The following NRG1 variants were observed in gnomAD, a reference collection of about 807,000 sequenced individuals.
The protein encoded by NRG1 is neuregulin 1, also known as pro-neuregulin-1, membrane-bound isoform.
A neutral mutation model predicts 63.8 loss-of-function variants in NRG1; 18 were observed. That is an observed-to-expected ratio of 0.28 (90% CI 0.19 to 0.42). The LOEUF is 0.42. Ranked by LOEUF, NRG1 falls within the 10% of genes least tolerant of loss-of-function variation. The pLI, the probability that NRG1 is intolerant of heterozygous loss-of-function variation, is 1.00. For missense variants in NRG1, 762 were observed against 814.7 expected (o/e 0.94, Z 0.79); for synonymous variants, 302 against 301.3 (o/e 1.00, Z -0.02).
chr8:31,964,618 C>T (rs1364046778), intron 1 of NRG1, among the ~76,000 whole-genome samples: 2 of 152,080 alleles, frequency 1.3e-5, no homozygotes, highest in South Asian at 2.1e-4. Context: ...TGAGCCATGA[C>T]AGCACCACTG....
intron 1 of NRG1, among the ~76,000 whole-genome samples, chr8:32,019,672 A>G (rs2130181750): frequency 6.6e-6 from 1 of 152,294 alleles, no homozygotes; most frequent in East Asian, 1.9e-4. Context: ...TTCTGTGTTT[A>G]GATCTGTATC....
intron 1 of NRG1, among the ~76,000 whole-genome samples, chr8:31,856,380 T>C (rs1356785078): frequency 3.3e-5 from 5 of 152,254 alleles, no homozygotes; most frequent in Non-Finnish European, 7.3e-5. Context: ...CCATCGCTGA[T>C]ACCCTTTCTT....
chr8:31,772,743 G>A (rs1285659840), intron 1 of NRG1, among the ~76,000 whole-genome samples: 1 of 152,126 alleles, frequency 6.6e-6, no homozygotes, highest in Non-Finnish European at 1.5e-5. Flanking sequence ...AAAAGGCTCT[G>A]AAGCAGACTG....
At chr8:32,290,047 C>T (rs1854001527) in intron 1 of NRG1, among the ~76,000 whole-genome samples, 1 of 152,004 alleles carries the variant, frequency 6.6e-6, no homozygotes, top group African/African-American at 2.4e-5. Context: ...TTGAGCCCAG[C>T]CTGAGCAACA....
At chr8:32,357,348 G>C (rs1806575875) in intron 1 of NRG1, among the ~76,000 whole-genome samples, 1 of 152,194 alleles carries the variant, frequency 6.6e-6, no homozygotes, top group Non-Finnish European at 1.5e-5. Context: ...AAATCATGGA[G>C]GACAGCAGTG....
intron 1 of NRG1, among the ~76,000 whole-genome samples, chr8:31,922,506 T>C (rs936127925): frequency 1.3e-5 from 2 of 152,120 alleles, no homozygotes; most frequent in African/African-American, 4.8e-5. Context: ...TATGGAAAAA[T>C]ATAATGCCAT....
intron 1 of NRG1, among the ~76,000 whole-genome samples, chr8:32,114,374 G>A (rs1168251320): frequency 6.6e-6 from 1 of 152,178 alleles, no homozygotes; most frequent in African/African-American, 2.4e-5. Context: ...TAGTAGGAGT[G>A]CAACCTCTGG....
chr8:31,669,137 A>C (rs1183515490), intron 1 of NRG1, among the ~76,000 whole-genome samples: 1 of 151,646 alleles, frequency 6.6e-6, no homozygotes, highest in Non-Finnish European at 1.5e-5. Flanking sequence ...CTCACTGCAG[A>C]CTTGACCTTC....
chr8:32,021,587 C>G (rs1485901398), intron 1 of NRG1, among the ~76,000 whole-genome samples: 1 of 152,108 alleles, frequency 6.6e-6, no homozygotes, highest in Non-Finnish European at 1.5e-5. Flanking sequence ...TGAGAACAAA[C>G]CAACCATATT....
At chr8:32,351,010 C>CCTT (rs1805532563) in intron 1 of NRG1, among the ~76,000 whole-genome samples, 1 of 152,138 alleles carries the variant, frequency 6.6e-6, no homozygotes, top group Non-Finnish European at 1.5e-5. Flanking sequence ...TCCCACCTCC[C>CCTT]CTTTTTGATC....
rs1253286276 is a variant in NRG1 at position 31,640,990 on chromosome 8, G to T, written c.37+1559G>T. Among the ~76,000 whole-genome samples, 1 of 152,184 alleles carries T rather than the reference G, an allele frequency of 6.6e-6. No homozygotes were observed. Among genetic ancestry groups the T allele is most frequent in the East Asian group, 1.9e-4 (1 of 5,184 alleles). The stretch of plus-strand genomic sequence containing the variant: ...CCTCCTGAAACTTTTTAATCCTTTG[G>T]GGTTTGGCTCACCAAGTAGATCGGA... On this transcript the variant is annotated intron_variant, in intron 1 of 10. Transcript: ENST00000519301. The surrounding 1 kb of genome is among the most constrained non-coding windows in gnomAD (Gnocchi z 6.3).
intron 1 of NRG1, chr8:32,191,903 A>G (rs1842527751): frequency 6.6e-6 from 1 of 152,266 alleles, no homozygotes; most frequent in Non-Finnish European, 1.5e-5. Context: ...AGTACAACAC[A>G]ATCAGATCTT....
At chr8:32,334,477 T>C (rs780211540) in intron 1 of NRG1, among the ~76,000 whole-genome samples, 19 of 152,244 alleles carry the variant, frequency 1.2e-4, no homozygotes, top group South Asian at 6.2e-4. Context: ...CTCTCCAAGG[T>C]TTGCCATTAT....
intron 1 of NRG1, among the ~76,000 whole-genome samples, chr8:31,747,818 G>A (rs1816047588): frequency 2.0e-5 from 3 of 151,938 alleles, no homozygotes; most frequent in Admixed American, 2.0e-4. Context: ...ATCTTGAAAT[G>A]AGCTTGTCTG....
chr8:32,607,317 G>A (rs1400568620), intron 3 of NRG1, among the ~76,000 whole-genome samples: 1 of 152,072 alleles, frequency 6.6e-6, no homozygotes, highest in Non-Finnish European at 1.5e-5. Context: ...ATTGTTTGAA[G>A]CTCGTTCTCC....
chr8:32,287,681 T>C (rs1403450735), intron 1 of NRG1: 2 of 152,218 alleles, frequency 1.3e-5, no homozygotes, highest in East Asian at 3.9e-4. Context: ...GAACAGGGCA[T>C]TCCTCTGAAT....
At chr8:32,366,440 A>T (rs980821067) in intron 1 of NRG1, among the ~76,000 whole-genome samples, 1 of 151,922 alleles carries the variant, frequency 6.6e-6, no homozygotes, top group East Asian at 1.9e-4. Flanking sequence ...GAGTGAGAAC[A>T]TGCAATATTT....
At chr8:32,562,533 A>G (rs923400775) in intron 1 of NRG1, among the ~76,000 whole-genome samples, 2 of 152,028 alleles carry the variant, frequency 1.3e-5, no homozygotes, top group African/African-American at 2.4e-5. Context: ...ATAGGCATGA[A>G]CCACTGTGCC....
chr8:32,418,432 G>A (rs143375755), intron 1 of NRG1, among the ~76,000 whole-genome samples: 257 of 151,524 alleles, frequency 1.7e-3, no homozygotes, highest in African/African-American at 6.1e-3. Flanking sequence ...ATTTCAACAT[G>A]TAATCAATAT....
Sources: gnomAD v4.1 joint callset for allele counts (sites outside exome capture counted in the v4.1 genomes callset) on GRCh38, gnomAD v4.1.1 for gene constraint, Gnocchi (gnomAD v3.1) non-coding constraint, MANE v1.5 for transcripts, NCBI Gene and HGNC (gene_info 2026-07-23, HGNC 2026-07-21) for gene names.